Variants in ADAM2 observed in about 807,000 individuals in gnomAD.
ADAM2 encodes ADAM metallopeptidase domain 2, also known as disintegrin and metalloproteinase domain-containing protein 2.
ADAM2 carries 101 observed loss-of-function variants against 99.3 expected under a neutral mutation model. That is an observed-to-expected ratio of 1.02 (90% CI 0.87 to 1.20). The LOEUF (loss-of-function observed/expected upper bound fraction) is 1.20, where lower values mean the gene tolerates loss of function less well. Among genes scored for constraint, ADAM2 ranks in the 50% most tolerant of loss-of-function variants. ADAM2 has a pLI of 0.00. For synonymous variants in ADAM2, 323 were observed against 287.6 expected (o/e 1.12, Z -1.25); for missense variants, 948 against 878.7 (o/e 1.08, Z -1.00).
intron 7 of ADAM2, among the ~76,000 whole-genome samples, chr8:39,804,663 C>G (rs1029340226): frequency 6.6e-6 from 1 of 151,782 alleles, no homozygotes; most frequent in Admixed American, 6.6e-5. Context: ...GAAATAGTTA[C>G]GTTGACATTA....
intron 11 of ADAM2, among the ~76,000 whole-genome samples, chr8:39,775,672 A>G (rs1003368471): frequency 2.6e-5 from 4 of 152,090 alleles, no homozygotes; most frequent in African/African-American, 9.7e-5. Context: ...AATCCCTACA[A>G]GGATATTAGT....
At chr8:39,754,628 T>C (rs774341473) in intron 16 of ADAM2, among the ~76,000 whole-genome samples, 15 of 152,240 alleles carry the variant, frequency 9.9e-5, no homozygotes, top group Non-Finnish European at 2.2e-4. Flanking sequence ...AGTTTTTTTA[T>C]TTGTATACAC....
intron 2 of ADAM2, among the ~76,000 whole-genome samples, chr8:39,834,209 T>C (rs1175612993): frequency 1.3e-5 from 2 of 152,140 alleles, no homozygotes; most frequent in South Asian, 2.1e-4. Context: ...ATAATATATA[T>C]ACTTTATTTG....
chr8:39,782,988 A>G (rs1586092416), intron 10 of ADAM2, among the ~76,000 whole-genome samples: 1 of 152,048 alleles, frequency 6.6e-6, no homozygotes, highest in South Asian at 2.1e-4. Flanking sequence ...CCTTATTTTT[A>G]TTTATACATT....
chr8:39,784,833 G>A (rs1014161835), intron 10 of ADAM2, among the ~76,000 whole-genome samples: 1 of 152,102 alleles, frequency 6.6e-6, no homozygotes, highest in Non-Finnish European at 1.5e-5. Flanking sequence ...ATATGTTGTT[G>A]GCCATTTGTA....
At chr8:39,807,750 G>T (rs1183060445) in intron 7 of ADAM2, among the ~76,000 whole-genome samples, 3 of 151,934 alleles carry the variant, frequency 2.0e-5, no homozygotes, top group Admixed American at 2.0e-4. Context: ...TATATACAAA[G>T]AAAACCTAAG....
intron 7 of ADAM2, among the ~76,000 whole-genome samples, chr8:39,797,744 A>G (rs1804031392): frequency 6.6e-6 from 1 of 151,998 alleles, no homozygotes. Flanking sequence ...TTCTCTTTGA[A>G]GAGGTCCTTC....
chr8:39,831,793 ATG>A (rs1364589348), intron 3 of ADAM2, among the ~76,000 whole-genome samples: 1 of 152,146 alleles, frequency 6.6e-6, no homozygotes, highest in Non-Finnish European at 1.5e-5. Context: ...ACATAGAAAT[ATG>A]TGATAGATAA....
In ADAM2 at chr8:39,788,608, A is replaced by T; in HGVS notation, c.642+61T>A. 3.5e-6 allele frequency: 4 copies of T among 1,140,908 alleles called. No individual in the cohort carries two copies. The South Asian group carries it at 5.9e-5, about 17-fold the overall frequency. 70.7% of individuals were successfully genotyped at this position (1,140,908 alleles called of 1,614,324 possible). A position where few individuals can be genotyped will look rare whatever the true frequency, so the allele number is the denominator to read the frequency against. On this transcript the variant is annotated intron_variant, in intron 8 of 20. Coordinates refer to ENST00000265708, the MANE Select transcript of ADAM2 (RefSeq NM_001464.5). ...TGTGGATTCATGTAGTGTCATAATG[A>T]GGTGTAGAAATTGTTTTAGTAACAC...
In ADAM2 at chr8:39,749,442, A is replaced by G; in HGVS notation, c.1884T>C (p.Asn628=). The stretch of plus-strand genomic sequence containing the variant: ...CACTACAGTGACAGTGCTTTTTGTT[A>G]TTGCATACCTAAAAGAAGGAGAAAT... The part of the protein sequence containing the change: ...TDKCNDRGVC[N]NKKHCHCSAS... Residue 628 remains asparagine, a synonymous_variant, in exon 18 of 21, where the codon AAT becomes AAC. Transcript: ENST00000265708. 6.2e-7 allele frequency: 1 copy of G among 1,611,930 alleles called. No homozygotes were observed. The highest frequency in any genetic ancestry group is 8.5e-7 in the Non-Finnish European group (1 of 1,178,758).
At chr8:39,747,083 G>T (rs1003250438) in intron 18 of ADAM2, among the ~76,000 whole-genome samples, 3 of 151,736 alleles carry the variant, frequency 2.0e-5, no homozygotes, top group African/African-American at 7.3e-5. Flanking sequence ...GTTTATTTTT[G>T]TTGGTGGTGA....
intron 6 of ADAM2, among the ~76,000 whole-genome samples, chr8:39,811,432 C>A (rs902521320): frequency 6.6e-6 from 1 of 152,164 alleles, no homozygotes; most frequent in Non-Finnish European, 1.5e-5. Context: ...TTTTATGAGG[C>A]CAGCATCATC....
chr8:39,756,922 A>C (rs766984281), intron 15 of ADAM2, among the ~76,000 whole-genome samples: 6 of 152,208 alleles, frequency 3.9e-5, no homozygotes, highest in Non-Finnish European at 8.8e-5. Context: ...AGGAGAAACA[A>C]ACATTGTCCA....
intron 6 of ADAM2, among the ~76,000 whole-genome samples, chr8:39,817,134 AT>A (rs1477623311): frequency 6.6e-6 from 1 of 152,202 alleles, no homozygotes; most frequent in African/African-American, 2.4e-5. Flanking sequence ...CTTGAAAAAA[AT>A]AAATAGATTA....
intron 1 of ADAM2, 25 bp downstream of exon 1, chr8:39,838,106 C>A (rs746467758): frequency 1.2e-6 from 2 of 1,613,622 alleles, no homozygotes; most frequent in Non-Finnish European, 1.7e-6. Flanking sequence ...TCCCAAAAGG[C>A]CAGAGGAGGG....
intron 16 of ADAM2, among the ~76,000 whole-genome samples, chr8:39,752,573 G>C (rs935491073): frequency 1.3e-5 from 2 of 152,186 alleles, no homozygotes; most frequent in East Asian, 3.8e-4. Flanking sequence ...ATCTCAGATG[G>C]AAAGAAGCAG....
intron 15 of ADAM2, among the ~76,000 whole-genome samples, chr8:39,760,900 A>T (rs1449503458): frequency 2.0e-5 from 3 of 148,844 alleles, no homozygotes; most frequent in Non-Finnish European, 3.0e-5. Flanking sequence ...AAAAAAAAAA[A>T]AAAAAAAAAA....
At chr8:39,804,776 C>A (rs1320647431) in intron 7 of ADAM2, among the ~76,000 whole-genome samples, 1 of 152,058 alleles carries the variant, frequency 6.6e-6, no homozygotes, top group African/African-American at 2.4e-5. Flanking sequence ...TTAAAAATAG[C>A]TTCATATTTT....
intron 10 of ADAM2, among the ~76,000 whole-genome samples, chr8:39,779,075 G>T (rs1013856329): frequency 5.3e-5 from 8 of 150,646 alleles, no homozygotes; most frequent in Admixed American, 4.6e-4. Context: ...ATATATTTTT[G>T]ATCTTTCCTT....
Sources: gnomAD v4.1 joint callset for allele counts (sites outside exome capture counted in the v4.1 genomes callset) on GRCh38, gnomAD v4.1.1 for gene constraint, MANE v1.5 for transcripts, NCBI Gene and HGNC (gene_info 2026-07-23, HGNC 2026-07-21) for gene names.